Variants in C8orf34 observed in about 807,000 individuals in gnomAD.
C8orf34 encodes uncharacterized protein C8orf34.
In C8orf34, 65 loss-of-function variants were observed where a neutral mutation model predicts 68.3. That is an observed-to-expected ratio of 0.95 (90% CI 0.78 to 1.17). The LOEUF (loss-of-function observed/expected upper bound fraction) is 1.17, where lower values mean the gene tolerates loss of function less well. Ranked by LOEUF, C8orf34 falls within the 50% of genes most tolerant of loss-of-function variation. The pLI, the probability that C8orf34 is intolerant of heterozygous loss-of-function variation, is 0.00. For missense variants in C8orf34, 664 were observed against 655.4 expected (o/e 1.01, Z -0.14); for synonymous variants, 244 against 241.2 (o/e 1.01, Z -0.11).
chr8:68,782,268 T>C (rs549146351), intron 11 of C8orf34, among the ~76,000 whole-genome samples: 1 of 152,310 alleles, frequency 6.6e-6, no homozygotes, highest in African/African-American at 2.4e-5. Context: ...ATCTTCTACA[T>C]AGTTATGGAG....
chr8:68,711,797 C>T (rs1821335713), intron 9 of C8orf34, among the ~76,000 whole-genome samples: 1 of 152,030 alleles, frequency 6.6e-6, no homozygotes, highest in Non-Finnish European at 1.5e-5. Context: ...CCTGGCCTTG[C>T]TAGAGATCTA....
chr8:68,434,159 G>A (rs1054553457), intron 1 of C8orf34, among the ~76,000 whole-genome samples: 3 of 151,966 alleles, frequency 2.0e-5, no homozygotes, highest in Admixed American at 1.3e-4. Context: ...TAAGTTCTGG[G>A]GTACATGTAC....
At chr8:68,694,996 G>A (rs7829045) in intron 8 of C8orf34, among the ~76,000 whole-genome samples, 5 of 151,890 alleles carry the variant, frequency 3.3e-5, no homozygotes, top group Admixed American at 2.0e-4. Flanking sequence ...TTTACTATCC[G>A]AATTTATATT....
chr8:68,613,693 T>C (rs1023188718), intron 7 of C8orf34, among the ~76,000 whole-genome samples: 6 of 151,834 alleles, frequency 4.0e-5, no homozygotes, highest in African/African-American at 1.5e-4. Flanking sequence ...CTATCATTGT[T>C]GGACATTTGG....
rs191534931 is a variant in C8orf34 at position 68,531,178 on chromosome 8, T to C, written c.939-1805T>C. Among the ~76,000 whole-genome samples the C allele has an allele frequency of 1.2e-4, 18 of 152,310 alleles. No homozygotes were observed. In the East Asian group the frequency reaches 3.5e-3, roughly 29 times the overall value. ...AAGATATTTTCTTATGTACCCATAA[T>C]ATAATCATCATATCAAACCAATCCC... On this transcript the variant is annotated intron_variant, in intron 6 of 13. Transcript: ENST00000518698.
At chr8:68,651,180 TC>T (rs1819347491) in intron 8 of C8orf34, among the ~76,000 whole-genome samples, 1 of 152,144 alleles carries the variant, frequency 6.6e-6, no homozygotes, top group Admixed American at 6.6e-5. Flanking sequence ...TACCTATTCA[TC>T]CATCCATCTA....
At chr8:68,726,558 T>G (rs997036923) in intron 10 of C8orf34, among the ~76,000 whole-genome samples, 2 of 152,122 alleles carry the variant, frequency 1.3e-5, no homozygotes, top group Non-Finnish European at 2.9e-5. Flanking sequence ...GGAGGTAAAT[T>G]TGGTTATTTT....
At chr8:68,642,100 C>G (rs1387948683) in intron 8 of C8orf34, among the ~76,000 whole-genome samples, 1 of 152,026 alleles carries the variant, frequency 6.6e-6, no homozygotes, top group East Asian at 1.9e-4. Context: ...GGTAGAAAAA[C>G]ACAGTTTGAA....
At chr8:68,756,967 G>T (rs1270925056) in intron 10 of C8orf34, among the ~76,000 whole-genome samples, 1 of 152,020 alleles carries the variant, frequency 6.6e-6, no homozygotes, top group Non-Finnish European at 1.5e-5. Flanking sequence ...TACACATAGG[G>T]TGATTAGATG....
chr8:68,540,729 C>G (rs1815669315), intron 7 of C8orf34, among the ~76,000 whole-genome samples: 1 of 152,034 alleles, frequency 6.6e-6, no homozygotes, highest in Non-Finnish European at 1.5e-5. Context: ...GTAATCCCAG[C>G]TACTCGGGAA....
At chr8:68,745,068 G>A (rs1822441090) in intron 10 of C8orf34, among the ~76,000 whole-genome samples, 1 of 152,006 alleles carries the variant, frequency 6.6e-6, no homozygotes, top group South Asian at 2.1e-4. Context: ...GAAGAGAGTG[G>A]GGGCCAATAT....
chr8:68,392,800 T>C (rs971963688), intron 1 of C8orf34, among the ~76,000 whole-genome samples: 4 of 152,168 alleles, frequency 2.6e-5, no homozygotes, highest in East Asian at 1.9e-4. Flanking sequence ...TCTTCTTTCA[T>C]AGGTTATTAT....
At chr8:68,598,029 A>C (rs572721733) in intron 7 of C8orf34, among the ~76,000 whole-genome samples, 1 of 152,160 alleles carries the variant, frequency 6.6e-6, no homozygotes, top group Non-Finnish European at 1.5e-5. Flanking sequence ...AACAATGTTA[A>C]TCATTGTTTT....
intron 1 of C8orf34, among the ~76,000 whole-genome samples, chr8:68,354,919 G>T (rs1377774516): frequency 6.6e-6 from 1 of 151,948 alleles, no homozygotes; most frequent in African/African-American, 2.4e-5. Flanking sequence ...CATAAAGCAG[G>T]AGCTCAGCAA....
chr8:68,464,170 C>T (rs1414315671), intron 3 of C8orf34, among the ~76,000 whole-genome samples: 1 of 152,128 alleles, frequency 6.6e-6, no homozygotes, highest in Non-Finnish European at 1.5e-5. Flanking sequence ...AGAGCCAAAT[C>T]ATGAGTGAAC....
chr8:68,797,571 C>T (rs2129529416), intron 12 of C8orf34, among the ~76,000 whole-genome samples: 1 of 152,210 alleles, frequency 6.6e-6, no homozygotes, highest in South Asian at 2.1e-4. Flanking sequence ...TCTCCTTCAC[C>T]TAACCTCAGG....
chr8:68,737,725 T>G (rs1822163052), intron 10 of C8orf34, among the ~76,000 whole-genome samples: 1 of 151,948 alleles, frequency 6.6e-6, no homozygotes, highest in African/African-American at 2.4e-5. Context: ...GACTGAAATA[T>G]CCTATATATA....
intron 7 of C8orf34, among the ~76,000 whole-genome samples, chr8:68,582,971 T>C (rs1383765081): frequency 6.6e-6 from 1 of 152,158 alleles, no homozygotes; most frequent in Admixed American, 6.6e-5. Context: ...AAGAGTCTTT[T>C]GTAATTTCAT....
At chr8:68,428,812 T>G (rs1357338030) in intron 1 of C8orf34, among the ~76,000 whole-genome samples, 2 of 152,114 alleles carry the variant, frequency 1.3e-5, no homozygotes, top group Non-Finnish European at 2.9e-5. Flanking sequence ...TATGGCCACT[T>G]GATTCATGAC....
Sources: allele counts gnomAD v4.1 joint callset (sites outside exome capture counted in the v4.1 genomes callset), GRCh38; gene constraint gnomAD v4.1.1; transcripts MANE v1.5; gene names NCBI Gene and HGNC (gene_info 2026-07-23, HGNC 2026-07-21).